PRKG1: variants seen among roughly 807,000 people sequenced by gnomAD.
The protein encoded by PRKG1 is protein kinase cGMP-dependent 1, also known as cGMP-dependent protein kinase 1.
In PRKG1, 35 loss-of-function variants were observed where a neutral mutation model predicts 88.1. The observed-to-expected ratio is 0.40, with a 90% CI of 0.30 to 0.53. PRKG1 has a LOEUF of 0.53. Among genes scored for constraint, PRKG1 ranks in the 20% least tolerant of loss-of-function variants. The pLI is 0.59. For missense variants in PRKG1, 540 were observed against 839.8 expected (o/e 0.64, Z 4.41); for synonymous variants, 303 against 292.5 (o/e 1.04, Z -0.37).
intron 2 of PRKG1, among the ~76,000 whole-genome samples, chr10:51,267,850 A>G (rs780398228): frequency 2.8e-4 from 42 of 152,328 alleles, no homozygotes; most frequent in Admixed American, 5.2e-4. Context: ...TAATCGTCAG[A>G]CAACACACAG....
chr10:51,181,974 T>C (rs574258359), intron 2 of PRKG1, among the ~76,000 whole-genome samples: 7 of 152,366 alleles, frequency 4.6e-5, no homozygotes, highest in African/African-American at 1.4e-4. Context: ...GAGTGCACAG[T>C]TGGAACAACA....
chr10:51,794,469 C>T (rs899909351), intron 3 of PRKG1, among the ~76,000 whole-genome samples: 4 of 152,046 alleles, frequency 2.6e-5, no homozygotes, highest in East Asian at 1.9e-4. Flanking sequence ...TTAATTTTAA[C>T]AAATTTTAGA....
intron 1 of PRKG1, among the ~76,000 whole-genome samples, chr10:51,121,713 T>C (rs905988202): frequency 2.6e-5 from 4 of 152,130 alleles, no homozygotes; most frequent in South Asian, 2.1e-4. Context: ...AAGATTGGTG[T>C]CAAAACTCCT....
At chr10:51,234,544 C>T (rs547514098) in intron 2 of PRKG1, among the ~76,000 whole-genome samples, 1 of 152,106 alleles carries the variant, frequency 6.6e-6, no homozygotes, top group African/African-American at 2.4e-5. Flanking sequence ...TCTTACCAAA[C>T]AGGATTTATC....
intron 5 of PRKG1, among the ~76,000 whole-genome samples, chr10:52,024,502 C>A (rs1259924757): frequency 2.0e-5 from 3 of 151,986 alleles, no homozygotes; most frequent in African/African-American, 7.3e-5. Context: ...ACGACAGGCC[C>A]CAGTGTCTGA....
rs1256016317 is a variant in PRKG1 at position 51,048,792 on chromosome 10, C to CTTCAGTAGTATGTGTA, written c.266+57148_266+57149insTTCAGTAGTATGTGTA. On this transcript the variant is annotated intron_variant, in intron 1 of 17. Coordinates refer to the PRKG1 transcript ENST00000401604. Reference sequence around the variant, plus strand: ...AATTTACTTCAGTAGTATGTGTACACCTTCCAGGGAATGACTGAACTGAGA... The same window carrying CTTCAGTAGTATGTGTA: ...AATTTACTTCAGTAGTATGTGTACACTTCAGTAGTATGTGTACTTCCAGGGAATGACTGAACTGAGA... Among the ~76,000 whole-genome samples, 4 of 152,042 alleles carry CTTCAGTAGTATGTGTA rather than the reference C, an allele frequency of 2.6e-5. No homozygotes were observed. The South Asian group carries it at 6.2e-4, about 24-fold the overall frequency.
intron 3 of PRKG1, among the ~76,000 whole-genome samples, chr10:51,528,093 C>T (rs1841926671): frequency 6.6e-6 from 1 of 152,138 alleles, no homozygotes; most frequent in African/African-American, 2.4e-5. Flanking sequence ...TACTTCTAAG[C>T]TCATGGGAGC....
intron 4 of PRKG1, among the ~76,000 whole-genome samples, chr10:51,876,983 G>C (rs904933615): frequency 6.6e-6 from 1 of 152,138 alleles, no homozygotes; most frequent in Admixed American, 6.5e-5. Flanking sequence ...ATTGAGATCA[G>C]CTCACAGATA....
intron 3 of PRKG1, among the ~76,000 whole-genome samples, chr10:51,497,001 C>A (rs1010772213): frequency 4.6e-5 from 7 of 152,106 alleles, no homozygotes; most frequent in African/African-American, 1.7e-4. Flanking sequence ...GTTAAATGGG[C>A]CTGTCGTCGT....
intron 2 of PRKG1, among the ~76,000 whole-genome samples, chr10:51,229,944 A>AAAAG (rs1838796717): frequency 6.7e-6 from 1 of 148,866 alleles, no homozygotes; most frequent in African/African-American, 2.5e-5. Flanking sequence ...AAAAAAAAAA[A>AAAAG]AAAAGAAAAA....
intron 1 of PRKG1, among the ~76,000 whole-genome samples, chr10:51,103,824 C>T (rs1360826187): frequency 6.6e-6 from 1 of 152,106 alleles, no homozygotes; most frequent in Admixed American, 6.5e-5. Flanking sequence ...GAGAGGAAAG[C>T]GTCTGGAGTA....
chr10:51,372,359 C>A (rs1279609449), intron 2 of PRKG1, among the ~76,000 whole-genome samples: 1 of 152,082 alleles, frequency 6.6e-6, no homozygotes, highest in African/African-American at 2.4e-5. Context: ...CAATTGAGTT[C>A]TTTATCTTGT....
chr10:51,057,892 T>C (rs150033657), intron 1 of PRKG1, among the ~76,000 whole-genome samples: 134 of 152,262 alleles, frequency 8.8e-4, no homozygotes, highest in African/African-American at 2.3e-3. Flanking sequence ...TTGGACTTTC[T>C]AGATTATGGG....
chr10:51,700,590 A>G (rs184182059), intron 3 of PRKG1, among the ~76,000 whole-genome samples: 139 of 152,254 alleles, frequency 9.1e-4, no homozygotes, highest in African/African-American at 3.2e-3. Flanking sequence ...CCCGCCTGCA[A>G]TTCGAAGCTA....
At chr10:52,011,301 C>T (rs1487374234) in intron 5 of PRKG1, among the ~76,000 whole-genome samples, 2 of 152,150 alleles carry the variant, frequency 1.3e-5, no homozygotes, top group African/African-American at 4.8e-5. Context: ...TATTAATAAA[C>T]CTGTTGTTTT....
At chr10:51,491,925 C>T (rs1401287701) in intron 3 of PRKG1, among the ~76,000 whole-genome samples, 1 of 152,046 alleles carries the variant, frequency 6.6e-6, no homozygotes, top group African/African-American at 2.4e-5. Context: ...CCTCTAAACA[C>T]CTATGCCCTC....
At chr10:51,663,467 A>G (rs1445573181) in intron 3 of PRKG1, among the ~76,000 whole-genome samples, 1 of 152,022 alleles carries the variant, frequency 6.6e-6, no homozygotes, top group Non-Finnish European at 1.5e-5. Flanking sequence ...CACTTTGCAG[A>G]TTCAAAGTAG....
intron 2 of PRKG1, among the ~76,000 whole-genome samples, chr10:51,304,150 T>C (rs561004076): frequency 6.6e-6 from 1 of 152,236 alleles, no homozygotes; most frequent in South Asian, 2.1e-4. Flanking sequence ...AAATGATCAT[T>C]GGGTTTCAGT....
intron 2 of PRKG1, among the ~76,000 whole-genome samples, chr10:51,392,990 C>T (rs1246850053): frequency 2.0e-5 from 3 of 150,890 alleles, no homozygotes; most frequent in Admixed American, 6.6e-5. Context: ...GACAGGGTAG[C>T]TGCCGGGCAG....
Sources: allele counts gnomAD v4.1 joint callset (sites outside exome capture counted in the v4.1 genomes callset), GRCh38; gene constraint gnomAD v4.1.1; transcripts MANE v1.5; gene names NCBI Gene and HGNC (gene_info 2026-07-23, HGNC 2026-07-21).